DLC1: variants seen among roughly 807,000 people sequenced by gnomAD.
DLC1 encodes rho GTPase-activating protein 7.
Under a neutral mutation model 140.3 loss-of-function variants are expected in DLC1, and 54 were observed. The observed-to-expected ratio is 0.38, with a 90% CI of 0.31 to 0.48. The LOEUF is 0.48. Among genes scored for constraint, DLC1 ranks in the 20% least tolerant of loss-of-function variants. The pLI, the probability that DLC1 is intolerant of heterozygous loss-of-function variation, is 0.96. For missense variants in DLC1, 2,536 were observed against 1,907.0 expected (o/e 1.33, Z -6.14); for synonymous variants, 986 against 728.1 (o/e 1.35, Z -5.70).
At chr8:13,483,581 T>A (rs2117128766) in intron 2 of DLC1, among the ~76,000 whole-genome samples, 1 of 152,052 alleles carries the variant, frequency 6.6e-6, no homozygotes, top group South Asian at 2.1e-4. Flanking sequence ...GGCAGGGAGG[T>A]GAGCTGGGAG....
At chr8:13,379,419 G>T (rs1836151172) in intron 4 of DLC1, among the ~76,000 whole-genome samples, 1 of 152,132 alleles carries the variant, frequency 6.6e-6, no homozygotes, top group Non-Finnish European at 1.5e-5. Flanking sequence ...TCCTAGCTTA[G>T]CCTAGCCTGT....
intron 5 of DLC1, among the ~76,000 whole-genome samples, chr8:13,188,419 C>CAAAAAAAAAAAAAAAAA (rs1178090798): frequency 3.4e-4 from 20 of 58,980 alleles, no homozygotes; most frequent in Non-Finnish European, 5.0e-4. Context: ...GACTCCGTCT[C>CAAAAAAAAAAAAAAAAA]AAAAAAAAAA....
chr8:13,531,128 G>A (rs1803083235), intron 1 of DLC1, among the ~76,000 whole-genome samples: 1 of 152,128 alleles, frequency 6.6e-6, no homozygotes, highest in Non-Finnish European at 1.5e-5. Flanking sequence ...GAAGAGGGTT[G>A]TTTCCTGGAA....
intron 5 of DLC1, among the ~76,000 whole-genome samples, chr8:13,298,291 C>T (rs542195616): frequency 1.3e-5 from 2 of 152,238 alleles, no homozygotes; most frequent in East Asian, 1.9e-4. Context: ...TTCAATGGCC[C>T]CCTTTACACG....
chr8:13,567,719 G>C, intron 1 of DLC1: 1 of 1,551,840 alleles, frequency 6.4e-7, no homozygotes, highest in Non-Finnish European at 8.7e-7. Context: ...TTTCTCACCC[G>C]TATTGGAGAA....
At chr8:13,339,126 T>C (rs1470184330) in intron 4 of DLC1, among the ~76,000 whole-genome samples, 3 of 152,206 alleles carry the variant, frequency 2.0e-5, no homozygotes, top group Non-Finnish European at 4.4e-5. Context: ...CCCTTCCTTG[T>C]CAAATAGGAA....
intron 5 of DLC1, among the ~76,000 whole-genome samples, chr8:13,179,650 G>C (rs962916751): frequency 6.6e-6 from 1 of 152,182 alleles, no homozygotes; most frequent in African/African-American, 2.4e-5. Flanking sequence ...GAGCCCAGGA[G>C]GTTGCGGCCA....
At chr8:13,127,132 C>A (rs1821649168) in intron 5 of DLC1, among the ~76,000 whole-genome samples, 1 of 152,190 alleles carries the variant, frequency 6.6e-6, no homozygotes, top group African/African-American at 2.4e-5. Flanking sequence ...TTGCTGTGTT[C>A]TAGGTGAGCT....
At chr8:13,241,733 A>G (rs1024381299) in intron 5 of DLC1, among the ~76,000 whole-genome samples, 1 of 152,150 alleles carries the variant, frequency 6.6e-6, no homozygotes, top group African/African-American at 2.4e-5. Context: ...TTGGAGAGGT[A>G]TTCTTCCATG....
At chr8:13,379,852 C>T (rs558593230) in intron 4 of DLC1, among the ~76,000 whole-genome samples, 93 of 152,148 alleles carry the variant, frequency 6.1e-4, no homozygotes, top group Admixed American at 1.3e-3. Flanking sequence ...GCAGGGACAT[C>T]GATGAAACTG....
At chr8:13,166,297 C>T (rs1825101845) in intron 5 of DLC1, among the ~76,000 whole-genome samples, 1 of 152,164 alleles carries the variant, frequency 6.6e-6, no homozygotes, top group South Asian at 2.1e-4. Flanking sequence ...GGGCTATGGA[C>T]CATTAACTAA....
chr8:13,120,078 C>T (rs1307178750), intron 5 of DLC1, among the ~76,000 whole-genome samples: 1 of 151,726 alleles, frequency 6.6e-6, no homozygotes, highest in Non-Finnish European at 1.5e-5. Flanking sequence ...CATGGTGGCT[C>T]ACGCCTGTAA....
chr8:13,200,393 G>A (rs1827315185), intron 5 of DLC1, among the ~76,000 whole-genome samples: 1 of 151,960 alleles, frequency 6.6e-6, no homozygotes, highest in Admixed American at 6.6e-5. Flanking sequence ...TTATTTTACA[G>A]GTATGGAAAT....
At chr8:13,422,883 C>G (rs1035800201) in intron 2 of DLC1, among the ~76,000 whole-genome samples, 1 of 151,824 alleles carries the variant, frequency 6.6e-6, no homozygotes, top group Non-Finnish European at 1.5e-5. Context: ...GGTGATATGG[C>G]CCAGGGTCAG....
intron 1 of DLC1, among the ~76,000 whole-genome samples, chr8:13,557,140 A>G (rs1214235762): frequency 6.6e-6 from 1 of 152,202 alleles, no homozygotes; most frequent in African/African-American, 2.4e-5. Context: ...CAGTGGCTTA[A>G]TCAATTTCCT....
chr8:13,154,975 A>G (rs1824142069), intron 5 of DLC1, among the ~76,000 whole-genome samples: 1 of 152,186 alleles, frequency 6.6e-6, no homozygotes. Context: ...TAAACTCAAA[A>G]GTGAAACTTT....
chr8:13,439,067 C>G (rs572535107), intron 2 of DLC1, among the ~76,000 whole-genome samples: 1 of 152,130 alleles, frequency 6.6e-6, no homozygotes, highest in Non-Finnish European at 1.5e-5. Context: ...TGGCTCATGC[C>G]TGTAATCCCA....
At chr8:13,295,078 C>T (rs1186918228) in intron 5 of DLC1, among the ~76,000 whole-genome samples, 1 of 152,128 alleles carries the variant, frequency 6.6e-6, no homozygotes, top group Non-Finnish European at 1.5e-5. Flanking sequence ...GAAACCACAG[C>T]TCAGTGGGGA....
chr8:13,266,469 G>T (rs1040927298), intron 5 of DLC1, among the ~76,000 whole-genome samples: 1 of 152,180 alleles, frequency 6.6e-6, no homozygotes, highest in East Asian at 1.9e-4. Context: ...TTTGGGTTGG[G>T]CGTGGTGGTT....
Sources: gnomAD v4.1 joint callset for allele counts (sites outside exome capture counted in the v4.1 genomes callset) on GRCh38, gnomAD v4.1.1 for gene constraint, MANE v1.5 for transcripts, NCBI Gene and HGNC (gene_info 2026-07-23, HGNC 2026-07-21) for gene names.